The following LGALS3 variants were observed in gnomAD, a reference collection of about 807,000 sequenced individuals.
LGALS3 encodes the protein galectin 3.
In LGALS3, 18 loss-of-function variants were observed where a neutral mutation model predicts 20.7. The observed-to-expected ratio is 0.87, with a 90% CI of 0.60 to 1.29. The LOEUF is 1.29. Among genes scored for constraint, LGALS3 ranks in the 50% most tolerant of loss-of-function variants. The probability of loss-of-function intolerance (pLI) is 0.00; values close to 1 mark genes in which losing one functional copy is unlikely to be tolerated. For synonymous variants in LGALS3, 112 were observed against 119.6 expected, an observed-to-expected ratio of 0.94 and a Z score of 0.42; for missense variants, 315 against 314.7, an observed-to-expected ratio of 1.00 and a Z score of -0.01.
intron 1 of LGALS3, among the ~76,000 whole-genome samples, chr14:55,136,678 TTTAG>T (rs1881405020): frequency 1.3e-5 from 2 of 152,300 alleles, no homozygotes; most frequent in Admixed American, 6.5e-5. Context: ...CAGTTATACT[TTTAG>T]TTATTTTCAA....
At chr14:55,130,071 G>A (rs1566779299) in intron 1 of LGALS3, among the ~76,000 whole-genome samples, 1 of 152,206 alleles carries the variant, frequency 6.6e-6, no homozygotes, top group Non-Finnish European at 1.5e-5. Flanking sequence ...AAGCTTTTCC[G>A]AATCAAATGC....
In LGALS3 at chr14:55,138,103, G is replaced by A. The variant is rs1257287864; in HGVS notation, c.77G>A (p.Trp26Ter). The change falls in exon 3 of 6, where the codon TGG becomes TAG. Residue 26 changes from tryptophan to a stop codon, truncating the protein, a stop_gained. Transcript: ENST00000254301. LOFTEE classifies it high-confidence loss of function. ...NPNPQGWPGA[W>*]GNQPAGAGGY... ...AACCCTCAAGGATGGCCTGGCGCAT[G>A]GGGGAACCAGCCTGCTGGGGCAGGG... The A allele has an allele frequency of 2.6e-6, 4 of 1,535,996 alleles. No individual in the cohort carries two copies. The highest frequency in any genetic ancestry group is 3.5e-6 in the Non-Finnish European group (4 of 1,145,486).
chr14:55,136,676 C>G (rs760551317), intron 1 of LGALS3, among the ~76,000 whole-genome samples: 2 of 152,254 alleles, frequency 1.3e-5, no homozygotes, highest in African/African-American at 2.4e-5. Flanking sequence ...TCCAGTTATA[C>G]TTTTAGTTAT....
chr14:55,132,623 A>G (rs539982135), intron 1 of LGALS3, among the ~76,000 whole-genome samples: 1 of 152,082 alleles, frequency 6.6e-6, no homozygotes, highest in Admixed American at 6.6e-5. Flanking sequence ...GCTGGAGTGC[A>G]GTGGTGCCAT....
intron 1 of LGALS3, among the ~76,000 whole-genome samples, chr14:55,134,701 A>G (rs1420559486): frequency 6.6e-6 from 1 of 152,204 alleles, no homozygotes; most frequent in African/African-American, 2.4e-5. Context: ...TTTTGCTTTA[A>G]AAAGCCAAGC....
At chr14:55,142,414 T>C (rs958444528) in intron 4 of LGALS3, among the ~76,000 whole-genome samples, 170 bp from the exon 5 acceptor site, 9 of 152,232 alleles carry the variant, frequency 5.9e-5, no homozygotes, top group African/African-American at 2.2e-4. Context: ...ATATCAGGCA[T>C]AGGATATTTT....
chr14:55,136,713 CTA>C (rs1881406477), intron 1 of LGALS3, among the ~76,000 whole-genome samples: 1 of 152,174 alleles, frequency 6.6e-6, no homozygotes, highest in African/African-American at 2.4e-5. Context: ...AAATTATTGA[CTA>C]TAGTCACCCT....
intron 1 of LGALS3, among the ~76,000 whole-genome samples, chr14:55,136,380 C>A (rs1190433817): frequency 3.3e-5 from 5 of 151,712 alleles, no homozygotes; most frequent in Admixed American, 1.3e-4. Context: ...CCTTTCCTTT[C>A]CTTCTTAGAA....
chr14:55,133,086 C>CA (rs1201346638), intron 1 of LGALS3, among the ~76,000 whole-genome samples: 1 of 152,136 alleles, frequency 6.6e-6, no homozygotes, highest in African/African-American at 2.4e-5. Flanking sequence ...AATTTGTTTA[C>CA]AATTTCAGTA....
In LGALS3 at chr14:55,129,918, G is replaced by A. The variant is rs1283003715; in HGVS notation, c.-5+618G>A. ...TGAGGCTGGACTTGGAGGAGATCTC[G>A]CTGTGGAGCGCGAATGAGTTCTTCC... On this transcript the variant is annotated intron_variant, in intron 1 of 5. Transcript: ENST00000254301. The surrounding 1 kb of genome is among the most constrained non-coding windows in gnomAD (Gnocchi z 5.3). 6.6e-6 allele frequency among the ~76,000 whole-genome samples: 1 copy of A among 152,184 alleles called. No homozygotes were observed. The highest frequency in any genetic ancestry group is 1.5e-5 in the Non-Finnish European group (1 of 68,028).
At chr14:55,131,871 C>T (rs1163646488) in intron 1 of LGALS3, among the ~76,000 whole-genome samples, 1 of 152,222 alleles carries the variant, frequency 6.6e-6, no homozygotes, top group African/African-American at 2.4e-5. Context: ...TCCAACTTAG[C>T]ATCACTGAAT....
chr14:55,138,594 T>C (rs1881506854), intron 3 of LGALS3: 1 of 652,544 alleles, frequency 1.5e-6, no homozygotes, highest in East Asian at 2.7e-5. Flanking sequence ...TGAATATAAA[T>C]CAAGATTGTA....
At chr14:55,137,974 T>C in intron 2 of LGALS3, 71 bp from the exon 3 acceptor site, 1 of 1,458,446 alleles carries the variant, frequency 6.9e-7, no homozygotes, top group South Asian at 1.7e-5. Context: ...GATCACATAT[T>C]CCTATTTTCC....
intron 2 of LGALS3, chr14:55,137,621 C>A: frequency 6.9e-7 from 1 of 1,443,776 alleles, no homozygotes; most frequent in Non-Finnish European, 9.1e-7. Flanking sequence ...ACCCTTTCAC[C>A]AAAAGGCCCA....
Position 55,145,291 on chromosome 14 carries a change from A to G in LGALS3, c.*20A>G. ...ATATAATCTGAAAGGGGCAGATTAA[A>G]AAAAAAAAAAGAATCTAAACCTTAC... On this transcript the variant is annotated 3_prime_UTR_variant, in exon 6 of 6. Coordinates refer to ENST00000254301, the MANE Select transcript of LGALS3 (RefSeq NM_002306.4). 3 of 1,591,260 alleles carry G rather than the reference A, an allele frequency of 1.9e-6. No individual in the cohort carries two copies. Among genetic ancestry groups the G allele is most frequent in the Non-Finnish European group, 2.6e-6 (3 of 1,165,764 alleles).
At chr14:55,143,036 A>T (rs548003950) in intron 5 of LGALS3, among the ~76,000 whole-genome samples, 1 of 152,254 alleles carries the variant, frequency 6.6e-6, no homozygotes, top group Admixed American at 6.5e-5. Flanking sequence ...AAAAAGGCAA[A>T]AAGTCTTTAT....
chr14:55,144,982 A>AT (rs926261195), intron 5 of LGALS3, 134 bp from the exon 6 acceptor site: 8 of 700,412 alleles, frequency 1.1e-5, no homozygotes, highest in East Asian at 1.0e-4. Flanking sequence ...ATTAATGGAC[A>AT]TTTTTTCCCT....
intron 5 of LGALS3, chr14:55,143,509 C>T (rs1881706172): frequency 6.6e-6 from 2 of 302,120 alleles, no homozygotes; most frequent in Non-Finnish European, 1.3e-5. Flanking sequence ...ACAACCTCCG[C>T]CTCCTGGGTT....
chr14:55,141,846 G>A (rs1460621626), intron 4 of LGALS3, among the ~76,000 whole-genome samples: 1 of 152,194 alleles, frequency 6.6e-6, no homozygotes, highest in Admixed American at 6.5e-5. Context: ...ATTAAAATAC[G>A]AATACCTACT....
Sources: gnomAD v4.1 joint callset for allele counts (sites outside exome capture counted in the v4.1 genomes callset) on GRCh38, gnomAD v4.1.1 for gene constraint, Gnocchi (gnomAD v3.1) non-coding constraint, MANE v1.5 for transcripts, NCBI Gene and HGNC (gene_info 2026-07-23, HGNC 2026-07-21) for gene names.